The following PLEKHA6 variants were observed in gnomAD, a reference collection of about 807,000 sequenced individuals.
PLEKHA6 encodes the protein pleckstrin homology domain-containing family A member 6.
A neutral mutation model predicts 116.7 loss-of-function variants in PLEKHA6; 60 were observed. The ratio of observed to expected loss-of-function variants is 0.51; its 90% CI spans 0.42 to 0.64. PLEKHA6 has a LOEUF of 0.64. PLEKHA6 is among the 30% of genes least tolerant of loss of function. PLEKHA6 has a pLI of 0.00. For synonymous variants in PLEKHA6, 489 were observed against 556.1 expected (o/e 0.88, Z 1.70); for missense variants, 1,338 against 1,422.7 (o/e 0.94, Z 0.96).
chr1:204,374,963 C>T (rs1028835991), intron 1 of PLEKHA6, among the ~76,000 whole-genome samples: 4 of 152,164 alleles, frequency 2.6e-5, no homozygotes, highest in Non-Finnish European at 5.9e-5. Flanking sequence ...GCCTTTGGCC[C>T]GTTTGGCTTT....
rs569802598 is a variant in PLEKHA6 at position 204,323,273 on chromosome 1, C to G, written c.-95+36421G>C. Among the ~76,000 whole-genome samples the G allele has an allele frequency of 4.6e-5, 7 of 152,378 alleles. No homozygotes were observed. In the South Asian group the frequency reaches 1.0e-3, roughly 23 times the overall value. Reference sequence around the variant, plus strand: ...TCCCAAGGACTGTCTTCTCTTTGCTCCATCCTAGCACCTGACATTTAATAG... The same window carrying G: ...TCCCAAGGACTGTCTTCTCTTTGCTGCATCCTAGCACCTGACATTTAATAG... On this transcript the variant is annotated intron_variant, in intron 1 of 22. Coordinates refer to ENST00000272203, the MANE Select transcript of PLEKHA6 (RefSeq NM_014935.5).
rs1433181241 is a variant in PLEKHA6, at chr1:204,228,344, T to C, written c.2886-116A>G. ...GCCAGGGCCCCGTGAATGTGCAGTC[T>C]CTGGTTCCCAGCAAGGCTGTCCCTA... is the stretch of plus-strand genomic sequence containing the variant. On this transcript the variant is annotated intron_variant, in intron 20 of 22. Coordinates refer to ENST00000272203, the MANE Select transcript of PLEKHA6 (RefSeq NM_014935.5). This position sits in a 1 kb window ranked among gnomAD's most constrained non-coding sequence, Gnocchi z 4.0. The C allele has an allele frequency of 3.0e-5, 31 of 1,047,348 alleles. No individual in the cohort carries two copies. Among genetic ancestry groups the C allele is most frequent in the Non-Finnish European group, 3.9e-5 (28 of 713,704 alleles). 64.9% of individuals were successfully genotyped at this position (1,047,348 alleles called of 1,614,324 possible). A position where few individuals can be genotyped will look rare whatever the true frequency, so the allele number is the denominator to read the frequency against.
In PLEKHA6 at chr1:204,223,372, A is replaced by G. The variant is rs377567303; in HGVS notation, c.*8+90T>C. 1.4e-6 allele frequency: 1 copy of G among 730,810 alleles called. No homozygotes were observed. The allele number at this position is 730,810 out of a possible 1,614,324, so 45.3% of individuals were successfully genotyped here. On this transcript the variant is annotated intron_variant, in intron 22 of 22. Coordinates refer to ENST00000272203, the MANE Select transcript of PLEKHA6 (RefSeq NM_014935.5). The surrounding 1 kb of genome is among the most constrained non-coding windows in gnomAD (Gnocchi z 4.8). ...GGCACTGGGGTAGGGGAGAAGCAAT[A>G]CCAAAATGAGAGGGCATAGATGGCT...
rs575386967 is a variant in PLEKHA6, at chr1:204,285,201, C to T, written c.-94-10392G>A. 2.0e-5 allele frequency among the ~76,000 whole-genome samples: 3 copies of T among 152,290 alleles called. No individual in the cohort carries two copies. In the South Asian group the frequency reaches 6.2e-4, roughly 32 times the overall value. ...GCTAGATGTTCTCTAAGCCACCTTC[C>T]AGTTCTAATAGTTTTGAATTCTATG... is the stretch of plus-strand genomic sequence containing the variant. On this transcript the variant is annotated intron_variant, in intron 1 of 22. Transcript: ENST00000272203.
intron 1 of PLEKHA6, among the ~76,000 whole-genome samples, chr1:204,283,931 C>T (rs12124211): frequency 1.2e-4 from 19 of 152,192 alleles, no homozygotes; most frequent in African/African-American, 4.6e-4. Flanking sequence ...CACAGGGGAA[C>T]TGAATAACTG....
intron 1 of PLEKHA6, among the ~76,000 whole-genome samples, chr1:204,341,786 T>C (rs1672855200): frequency 6.6e-6 from 1 of 152,190 alleles, no homozygotes; most frequent in Non-Finnish European, 1.5e-5. Context: ...ACCAAACATT[T>C]AAACTTTAAG....
In PLEKHA6 at chr1:204,233,342, A is replaced by ATTTTT. The variant is rs143142208; in HGVS notation, c.2410-2761_2410-2757dup. Among the ~76,000 whole-genome samples, 17 of 132,964 alleles carry ATTTTT rather than the reference A, an allele frequency of 1.3e-4. No individual in the cohort carries two copies. In the South Asian group the frequency reaches 3.2e-3, roughly 25 times the overall value. 87.2% of individuals were successfully genotyped at this position (132,964 alleles called of 152,430 possible). On this transcript the variant is annotated intron_variant, in intron 17 of 22. Coordinates refer to ENST00000272203, the MANE Select transcript of PLEKHA6 (RefSeq NM_014935.5). ...AGGTATGCACCACCACACCTGGCTA[A>ATTTTT]TTTTTTTTTTTTTTTTGAGATGGAG...
chr1:204,260,636 A>G (rs917943747), intron 7 of PLEKHA6, among the ~76,000 whole-genome samples: 3 of 152,080 alleles, frequency 2.0e-5, no homozygotes, highest in Admixed American at 6.5e-5. Flanking sequence ...CTTGGTAAAC[A>G]TTTCTAAGAT....
intron 1 of PLEKHA6, among the ~76,000 whole-genome samples, chr1:204,348,384 G>A (rs1302767721): frequency 3.3e-5 from 5 of 152,076 alleles, no homozygotes; most frequent in Non-Finnish European, 7.3e-5. Flanking sequence ...AAACAGCAAG[G>A]AAATGTCTCC....
At chr1:204,224,490 C>T (rs992600941) in intron 21 of PLEKHA6, among the ~76,000 whole-genome samples, 2 of 151,864 alleles carry the variant, frequency 1.3e-5, no homozygotes, top group Non-Finnish European at 2.9e-5. Context: ...TTCCCAGTCC[C>T]TCGTCCCCCA....
chr1:204,357,803 C>G (rs1416614268), intron 1 of PLEKHA6, among the ~76,000 whole-genome samples: 8 of 152,248 alleles, frequency 5.3e-5, no homozygotes, highest in Non-Finnish European at 1.0e-4. Flanking sequence ...CTAGGCCAGT[C>G]CCCTGGGCCA....
intron 21 of PLEKHA6, among the ~76,000 whole-genome samples, chr1:204,226,649 A>C (rs1249391473): frequency 2.0e-5 from 3 of 151,318 alleles, no homozygotes; most frequent in Non-Finnish European, 2.9e-5. Context: ...CTTACCCTCA[A>C]CTCCAGCCTA....
intron 1 of PLEKHA6, chr1:204,311,724 T>A: frequency 2.2e-6 from 2 of 898,526 alleles, no homozygotes; most frequent in Non-Finnish European, 2.7e-6. Context: ...AAATTGAATA[T>A]AATTCCTTTT....
chr1:204,376,023 T>C (rs12037061), intron 1 of PLEKHA6, among the ~76,000 whole-genome samples: 1 of 151,058 alleles, frequency 6.6e-6, no homozygotes, highest in Non-Finnish European at 1.5e-5. Context: ...CATAGCATCA[T>C]GCAAATGCCT....
intron 6 of PLEKHA6, 148 bp downstream of exon 6, chr1:204,264,794 C>A: frequency 1.4e-6 from 1 of 694,354 alleles, no homozygotes; most frequent in Non-Finnish European, 2.6e-6. Flanking sequence ...CATTACTACT[C>A]CTCCTCCCCC....
At chr1:204,278,628 C>T (rs150132094) in intron 1 of PLEKHA6, among the ~76,000 whole-genome samples, 168 of 152,326 alleles carry the variant, frequency 1.1e-3, no homozygotes, top group African/African-American at 3.8e-3. Flanking sequence ...TAGGATGTAA[C>T]TGGGGTCAAC....
upstream of PLEKHA6, among the ~76,000 whole-genome samples, chr1:204,363,944 A>T (rs1031695553): frequency 6.6e-5 from 10 of 152,192 alleles, no homozygotes; most frequent in African/African-American, 2.4e-4. Flanking sequence ...TCTTCCCAGT[A>T]AATGACACCT....
rs373819056 is a variant in PLEKHA6, at chr1:204,249,307, G to A, written c.1594-43C>T. The A allele has an allele frequency of 1.5e-5, 20 of 1,368,636 alleles. No homozygotes were observed. In the African/African-American group the frequency reaches 2.3e-4, roughly 16 times the overall value. 84.8% of individuals were successfully genotyped at this position (1,368,636 alleles called of 1,614,324 possible). ...GGAGAAGGAGAGGGAGAAAGAAGGG[G>A]ATGAAGGACATAGTTTGATGGGGAC... On this transcript the variant is annotated intron_variant, in intron 10 of 22. Coordinates refer to ENST00000272203, the MANE Select transcript of PLEKHA6 (RefSeq NM_014935.5).
At chr1:204,275,719 C>T (rs1307797832) in intron 1 of PLEKHA6, 1 of 985,124 alleles carries the variant, frequency 1.0e-6, no homozygotes, top group Non-Finnish European at 1.2e-6. Flanking sequence ...CGGTCTAAGC[C>T]ATAATGGCAA....
Sources: allele counts gnomAD v4.1 joint callset (sites outside exome capture counted in the v4.1 genomes callset), GRCh38; gene constraint gnomAD v4.1.1; non-coding constraint Gnocchi (gnomAD v3.1); transcripts MANE v1.5; gene names NCBI Gene and HGNC (gene_info 2026-07-23, HGNC 2026-07-21).